Variants in PTPRG observed in about 807,000 individuals in gnomAD.
PTPRG encodes the protein receptor-type tyrosine-protein phosphatase gamma.
A neutral mutation model predicts 165.3 loss-of-function variants in PTPRG; 102 were observed. The ratio of observed to expected loss-of-function variants is 0.62; its 90% CI spans 0.53 to 0.73. PTPRG has a LOEUF of 0.73. Ranked by LOEUF, PTPRG falls within the 30% of genes least tolerant of loss-of-function variation. The probability of loss-of-function intolerance (pLI) is 0.00; values close to 1 mark genes in which losing one functional copy is unlikely to be tolerated. For synonymous variants in PTPRG, 675 were observed against 669.5 expected (o/e 1.01, Z -0.13); for missense variants, 1,866 against 1,861.4 (o/e 1.00, Z -0.05).
chr3:61,779,232 G>A (rs2034474709), intron 2 of PTPRG, among the ~76,000 whole-genome samples: 1 of 152,208 alleles, frequency 6.6e-6, no homozygotes, highest in African/African-American at 2.4e-5. Flanking sequence ...ATTCTCCTGA[G>A]AGTGCTTGAA....
intron 2 of PTPRG, among the ~76,000 whole-genome samples, chr3:61,870,684 G>A (rs943660672): frequency 4.6e-5 from 7 of 150,894 alleles, no homozygotes; most frequent in Non-Finnish European, 8.9e-5. Flanking sequence ...CCCATTGTTG[G>A]GTAGGAAAAG....
At chr3:62,121,320 G>A (rs1703063481) in intron 5 of PTPRG, among the ~76,000 whole-genome samples, 1 of 152,066 alleles carries the variant, frequency 6.6e-6, no homozygotes. Flanking sequence ...GATCTTGGAT[G>A]TGTTAGGAAC....
intron 2 of PTPRG, among the ~76,000 whole-genome samples, chr3:61,900,773 T>C (rs555563908): frequency 6.6e-6 from 1 of 152,172 alleles, no homozygotes; most frequent in East Asian, 1.9e-4. Context: ...TAGGCACTTG[T>C]CACTATATGT....
At chr3:61,884,595 C>T (rs1426839614) in intron 2 of PTPRG, among the ~76,000 whole-genome samples, 1 of 152,096 alleles carries the variant, frequency 6.6e-6, no homozygotes, top group Non-Finnish European at 1.5e-5. Flanking sequence ...AGGATGTTGT[C>T]CTTGGTGGAG....
chr3:61,857,822 G>A (rs544029757), intron 2 of PTPRG, among the ~76,000 whole-genome samples: 43 of 152,192 alleles, frequency 2.8e-4, no homozygotes, highest in South Asian at 2.3e-3. Context: ...AAGAAATGAC[G>A]TAAGGTGGGT....
chr3:61,594,558 A>T (rs963994024), intron 1 of PTPRG, among the ~76,000 whole-genome samples: 2 of 152,120 alleles, frequency 1.3e-5, no homozygotes, highest in Admixed American at 6.5e-5. Flanking sequence ...CACCTCCTCC[A>T]TCCAATCAGT....
intron 5 of PTPRG, among the ~76,000 whole-genome samples, chr3:62,081,862 T>A (rs775112268): frequency 6.6e-6 from 1 of 152,218 alleles, no homozygotes; most frequent in Non-Finnish European, 1.5e-5. Context: ...AAACCTGGCA[T>A]CTTACATTTT....
chr3:62,132,556 C>G, intron 5 of PTPRG, 46 bp from the exon 6 acceptor site: 6 of 1,443,034 alleles, frequency 4.2e-6, no homozygotes, highest in Non-Finnish European at 5.9e-6. Context: ...ACTGTTGTGC[C>G]TGATGCCAGA....
chr3:62,097,238 C>T (rs1008519394), intron 5 of PTPRG, among the ~76,000 whole-genome samples: 3 of 152,158 alleles, frequency 2.0e-5, no homozygotes, highest in Non-Finnish European at 4.4e-5. Flanking sequence ...CTTTTCAGTT[C>T]CTTCAGATCT....
intron 1 of PTPRG, among the ~76,000 whole-genome samples, chr3:61,746,711 C>A (rs752150022): frequency 6.6e-6 from 1 of 152,178 alleles, no homozygotes; most frequent in Non-Finnish European, 1.5e-5. Flanking sequence ...GATTGACTGG[C>A]TTGAACCAAA....
At chr3:61,765,559 G>A (rs2033991982) in intron 2 of PTPRG, among the ~76,000 whole-genome samples, 2 of 152,022 alleles carry the variant, frequency 1.3e-5, no homozygotes, top group Non-Finnish European at 2.9e-5. Flanking sequence ...ACCCAGTTGT[G>A]AACCTTGACA....
At chr3:61,875,328 G>T (rs764524800) in intron 2 of PTPRG, among the ~76,000 whole-genome samples, 2 of 152,140 alleles carry the variant, frequency 1.3e-5, no homozygotes, top group African/African-American at 4.8e-5. Context: ...CCCTGGTGCT[G>T]CCTGGGGATG....
intron 2 of PTPRG, among the ~76,000 whole-genome samples, chr3:61,938,221 C>T (rs562539317): frequency 6.8e-6 from 1 of 146,134 alleles, no homozygotes; most frequent in Non-Finnish European, 1.5e-5. Flanking sequence ...GCTTATCACC[C>T]CTTTTTCTTT....
intron 10 of PTPRG, among the ~76,000 whole-genome samples, chr3:62,199,873 G>C (rs1333517488): frequency 6.6e-6 from 1 of 152,134 alleles, no homozygotes; most frequent in Non-Finnish European, 1.5e-5. Flanking sequence ...CCGATGAAGG[G>C]ATAAACAAAA....
chr3:62,193,601 C>T (rs901751279), intron 9 of PTPRG, among the ~76,000 whole-genome samples: 7 of 152,214 alleles, frequency 4.6e-5, no homozygotes, highest in African/African-American at 9.6e-5. Context: ...ATCCACCTTC[C>T]GCATCGTCAC....
chr3:62,066,606 C>T (rs1043142878), intron 4 of PTPRG, among the ~76,000 whole-genome samples: 4 of 152,156 alleles, frequency 2.6e-5, no homozygotes, highest in Non-Finnish European at 5.9e-5. Context: ...GTGTCCAAGG[C>T]GTTAAGCTCC....
At chr3:62,123,975 G>A (rs1323578593) in intron 5 of PTPRG, among the ~76,000 whole-genome samples, 2 of 152,050 alleles carry the variant, frequency 1.3e-5, no homozygotes, top group East Asian at 1.9e-4. Context: ...CTGCAGAAAG[G>A]GCATTTAAAA....
intron 2 of PTPRG, among the ~76,000 whole-genome samples, chr3:61,939,369 G>T (rs2039556840): frequency 6.6e-6 from 1 of 152,138 alleles, no homozygotes; most frequent in Non-Finnish European, 1.5e-5. Flanking sequence ...GAGTAAATAT[G>T]CACAGGGCTC....
At chr3:61,932,161 G>A (rs1425812481) in intron 2 of PTPRG, among the ~76,000 whole-genome samples, 1 of 152,182 alleles carries the variant, frequency 6.6e-6, no homozygotes, top group Non-Finnish European at 1.5e-5. Flanking sequence ...GTCAGATGGG[G>A]TCTGCAGGTG....
Sources: allele counts gnomAD v4.1 joint callset (sites outside exome capture counted in the v4.1 genomes callset), GRCh38; gene constraint gnomAD v4.1.1; transcripts MANE v1.5; gene names NCBI Gene and HGNC (gene_info 2026-07-23, HGNC 2026-07-21).